SLC2A14: variants seen among roughly 807,000 people sequenced by gnomAD.
SLC2A14 encodes the protein solute carrier family 2, facilitated glucose transporter member 14.
Under a neutral mutation model 43.0 loss-of-function variants are expected in SLC2A14, and 13 were observed. The observed-to-expected ratio is 0.30, with a 90% CI of 0.20 to 0.48. SLC2A14 has a LOEUF of 0.48. SLC2A14 is among the 20% of genes least tolerant of loss of function. SLC2A14 has a pLI of 0.99. For missense variants in SLC2A14, 428 were observed against 620.4 expected (o/e 0.69, Z 3.29); for synonymous variants, 190 against 233.8 (o/e 0.81, Z 1.71).
chr12:7,889,542 CT>C (rs35141630), intron 1 of SLC2A14, among the ~76,000 whole-genome samples: 3 of 142,808 alleles, frequency 2.1e-5, no homozygotes, highest in East Asian at 2.2e-4. Context: ...CTGGTTCCCC[CT>C]TTTTTTTTTG....
intron 2 of SLC2A14, among the ~76,000 whole-genome samples, chr12:7,835,450 A>G (rs1399943656): frequency 2.0e-5 from 3 of 152,224 alleles, no homozygotes; most frequent in Non-Finnish European, 4.4e-5. Context: ...AAAAGGAATG[A>G]ATAGAATAAT....
chr12:7,864,389 A>AG (rs1261892852), intron 2 of SLC2A14, among the ~76,000 whole-genome samples: 1 of 151,860 alleles, frequency 6.6e-6, no homozygotes, highest in Non-Finnish European at 1.5e-5. Context: ...GCCCAGGCTG[A>AG]GTGCAGTGGT....
chr12:7,827,155 G>A (rs761298744), intron 7 of SLC2A14, among the ~76,000 whole-genome samples: 3 of 147,620 alleles, frequency 2.0e-5, no homozygotes, highest in Non-Finnish European at 4.5e-5. Context: ...TGGTTGCTCC[G>A]GCTGGAGTGC....
chr12:7,876,566 C>T (rs1945467511), upstream of SLC2A14, among the ~76,000 whole-genome samples: 1 of 152,080 alleles, frequency 6.6e-6, no homozygotes, highest in Admixed American at 6.6e-5. Context: ...ACAGAACTAC[C>T]CTATGATCCA....
In SLC2A14 at chr12:7,828,879, C is replaced by T. The variant is rs775601152; in HGVS notation, c.514-13G>A. The stretch of plus-strand genomic sequence containing the variant: ...CCAGACCAAAGATCTAGAAACCACA[C>T]AAAGATAATGCTATAAACCCCATAC... On this transcript the variant is annotated splice_polypyrimidine_tract_variant and intron_variant, in intron 5 of 10. Coordinates refer to ENST00000431042, the MANE Select transcript of SLC2A14 (RefSeq NM_001286234.2). 1.9e-5 allele frequency: 31 copies of T among 1,612,354 alleles called. No homozygotes were observed. The South Asian group carries it at 3.3e-4, about 17-fold the overall frequency.
chr12:7,835,497 C>A (rs770110861), intron 2 of SLC2A14, among the ~76,000 whole-genome samples: 3 of 152,318 alleles, frequency 2.0e-5, no homozygotes, highest in African/African-American at 7.2e-5. Flanking sequence ...CAGTTATCTG[C>A]AGAATGTAAA....
At chr12:7,873,139 A>C, upstream of SLC2A14, 2 of 985,628 alleles carry the variant, frequency 2.0e-6, no homozygotes, top group Non-Finnish European at 2.4e-6. Flanking sequence ...GCGCCCCCTC[A>C]GGCGTCTTCC....
chr12:7,865,622 G>A (rs2121029988), intron 2 of SLC2A14, among the ~76,000 whole-genome samples: 1 of 152,024 alleles, frequency 6.6e-6, no homozygotes, highest in Admixed American at 6.6e-5. Context: ...CCACTAACTG[G>A]CCATTCCCCA....
At position 7,866,944 on chromosome 12, in the gene SLC2A14, G is replaced by GTT. The variant is rs1321770731; in HGVS notation, c.18+2917_18+2918dup. Among the ~76,000 whole-genome samples, 501 of 143,186 alleles carry GTT rather than the reference G, an allele frequency of 3.5e-3. 3 individuals carry two copies. The highest frequency in any genetic ancestry group is 6.0e-3 in the Non-Finnish European group (387 of 64,914). The allele number at this position is 143,186 out of a possible 152,430, so 93.9% of individuals were successfully genotyped here. Reference sequence around the variant, plus strand: ...GAAGATGCCATCTAGGACTTTCATGGTTTTTTTTTTTTTTGAGACAGAGTT... The same window carrying GTT: ...GAAGATGCCATCTAGGACTTTCATGGTTTTTTTTTTTTTTTTGAGACAGAGTT... On this transcript the variant is annotated intron_variant, in intron 2 of 10. Coordinates refer to ENST00000431042, the MANE Select transcript of SLC2A14 (RefSeq NM_001286234.2).
upstream of SLC2A14, among the ~76,000 whole-genome samples, chr12:7,877,634 A>T (rs944309561): frequency 6.6e-6 from 1 of 151,836 alleles, no homozygotes; most frequent in Admixed American, 6.6e-5. Flanking sequence ...CACGTTGGCC[A>T]GTCTGGTCTG....
intron 1 of SLC2A14, among the ~76,000 whole-genome samples, chr12:7,880,934 G>A (rs1945558977): frequency 6.6e-6 from 1 of 152,094 alleles, no homozygotes; most frequent in Non-Finnish European, 1.5e-5. Context: ...GAGGTCAAGA[G>A]TTCGAGACCA....
chr12:7,830,905 C>T lies in SLC2A14; in HGVS notation c.272+699G>A, dbSNP rs141777554. 1.1e-4 allele frequency among the ~76,000 whole-genome samples: 16 copies of T among 152,140 alleles called. No individual in the cohort carries two copies. The East Asian group carries it at 1.9e-3, about 18-fold the overall frequency. On this transcript the variant is annotated intron_variant, in intron 4 of 10. Transcript: ENST00000431042. ...TTAGGAGGCTGAGGTGGGCGGATCA[C>T]GTAAGGTCAGGAGTTCGAGACTAGC...
intron 2 of SLC2A14, among the ~76,000 whole-genome samples, chr12:7,857,465 G>C (rs1397279918): frequency 6.6e-6 from 1 of 151,924 alleles, no homozygotes; most frequent in Non-Finnish European, 1.5e-5. Flanking sequence ...GTGCACACCT[G>C]TAATCCCAGC....
At position 7,852,252 on chromosome 12, in the gene SLC2A14, T is replaced by C. The variant is rs1385031310; in HGVS notation, c.18+17611A>G. On this transcript the variant is annotated intron_variant, in intron 2 of 10. Transcript: ENST00000431042. ...ATATGGTGAAAGTATAATTTTTCTT[T>C]AAATAACAGTATATGAACATAGTGT... Among the ~76,000 whole-genome samples the C allele has an allele frequency of 6.8e-4, 103 of 152,162 alleles. 2 individuals carry two copies. Among genetic ancestry groups the C allele is most frequent in the Non-Finnish European group, 7.3e-5 (5 of 68,028 alleles).
intron 2 of SLC2A14, among the ~76,000 whole-genome samples, chr12:7,849,111 T>G (rs767218599): frequency 6.6e-6 from 1 of 151,994 alleles, no homozygotes. Flanking sequence ...CACCTCCGTC[T>G]CCCAAAGTGC....
At chr12:7,824,728 C>CAAAA (rs59362614) in intron 7 of SLC2A14, among the ~76,000 whole-genome samples, 8 of 113,294 alleles carry the variant, frequency 7.1e-5, no homozygotes, top group African/African-American at 2.5e-4. Context: ...GACTCTGTCT[C>CAAAA]AAAAAAAAAA....
At chr12:7,882,251 G>GTTGCTTTAAGAGA (rs1945592914) in intron 1 of SLC2A14, among the ~76,000 whole-genome samples, 1 of 151,736 alleles carries the variant, frequency 6.6e-6, no homozygotes, top group African/African-American at 2.4e-5. Flanking sequence ...TTCCAGACGG[G>GTTGCTTTAAGAGA]TTGCCTTAAG....
intron 10 of SLC2A14, among the ~76,000 whole-genome samples, 192 bp downstream of exon 10, chr12:7,817,639 T>C (rs924777811): frequency 1.8e-4 from 27 of 151,820 alleles, no homozygotes; most frequent in Non-Finnish European, 3.7e-4. Context: ...CGGTGGCGGG[T>C]GCCTGTAGTC....
At chr12:7,842,508 A>C (rs1457116377) in intron 2 of SLC2A14, among the ~76,000 whole-genome samples, 1 of 152,234 alleles carries the variant, frequency 6.6e-6, no homozygotes, top group East Asian at 1.9e-4. Flanking sequence ...TATATAAGCA[A>C]CACAGATAAT....
Sources: gnomAD v4.1 joint callset for allele counts (sites outside exome capture counted in the v4.1 genomes callset) on GRCh38, gnomAD v4.1.1 for gene constraint, MANE v1.5 for transcripts, NCBI Gene and HGNC (gene_info 2026-07-23, HGNC 2026-07-21) for gene names.